SND1: variants seen among roughly 807,000 people sequenced by gnomAD.
SND1 encodes the protein staphylococcal nuclease domain-containing protein 1.
In SND1, 38 loss-of-function variants were observed where a neutral mutation model predicts 121.7. That is an observed-to-expected ratio of 0.31 (90% CI 0.24 to 0.41). SND1 has a LOEUF of 0.41. Among genes scored for constraint, SND1 ranks in the 10% least tolerant of loss-of-function variants. The pLI is 1.00. For synonymous variants in SND1, 401 were observed against 447.4 expected, an observed-to-expected ratio of 0.90 and a Z score of 1.31; for missense variants, 868 against 1,184.6, an observed-to-expected ratio of 0.73 and a Z score of 3.92.
chr7:127,726,973 AG>A (rs967715941), intron 10 of SND1, among the ~76,000 whole-genome samples: 7 of 152,144 alleles, frequency 4.6e-5, no homozygotes, highest in African/African-American at 1.4e-4. Flanking sequence ...TATTTTGGGA[AG>A]GAAGTGTGGA....
chr7:127,927,532 G>A (rs1800865770), intron 14 of SND1, among the ~76,000 whole-genome samples: 1 of 152,182 alleles, frequency 6.6e-6, no homozygotes, highest in South Asian at 2.1e-4. Flanking sequence ...ATGTGTATAT[G>A]TGTAGGAGAA....
At chr7:127,980,135 C>T (rs1802225466) in intron 15 of SND1, among the ~76,000 whole-genome samples, 1 of 11,926 alleles carries the variant, frequency 8.4e-5, no homozygotes, top group African/African-American at 3.5e-3. Context: ...TTTTTTGAGA[C>T]GGAGTCTCGC....
rs546748817 is a variant in SND1 at position 127,858,209 on chromosome 7, C to T, written c.1343+13785C>T. ...CTTCAGCCGCATGGCCAACTGTTCC[C>T]TCGTTTCCTGGTACATGCCAAGGTT... On this transcript the variant is annotated intron_variant, in intron 12 of 23. Coordinates refer to ENST00000354725, the MANE Select transcript of SND1 (RefSeq NM_014390.4). 2 of 786,466 alleles carry T rather than the reference C, an allele frequency of 2.5e-6. 1 individual carries two copies. The highest frequency in any genetic ancestry group is 4.9e-5 in the East Asian group (2 of 40,502). 48.7% of individuals were successfully genotyped at this position (786,466 alleles called of 1,614,324 possible). A position where few individuals can be genotyped will look rare whatever the true frequency, so the allele number is the denominator to read the frequency against.
intron 16 of SND1, among the ~76,000 whole-genome samples, chr7:128,069,869 C>T (rs1793377921): frequency 6.6e-6 from 1 of 152,210 alleles, no homozygotes; most frequent in Admixed American, 6.5e-5. Flanking sequence ...ATGCTGTACA[C>T]TGCCCCACAA....
intron 11 of SND1, among the ~76,000 whole-genome samples, chr7:127,820,707 C>T (rs1798533007): frequency 1.3e-5 from 2 of 151,894 alleles, no homozygotes; most frequent in South Asian, 4.2e-4. Context: ...TCCCCCTTTC[C>T]TTCTGCCTTC....
chr7:127,685,755 A>G (rs1451417679), intron 1 of SND1, among the ~76,000 whole-genome samples: 3 of 152,164 alleles, frequency 2.0e-5, no homozygotes, highest in Non-Finnish European at 4.4e-5. Flanking sequence ...CATGTAGGGC[A>G]TGGGTTTTCT....
chr7:127,780,341 ATCT>A (rs1797697179), intron 10 of SND1, among the ~76,000 whole-genome samples: 1 of 152,194 alleles, frequency 6.6e-6, no homozygotes, highest in Non-Finnish European at 1.5e-5. Context: ...GGTAAGTGGG[ATCT>A]TCTTTGGAGG....
At chr7:127,797,806 G>A (rs1444245913) in intron 10 of SND1, among the ~76,000 whole-genome samples, 2 of 152,106 alleles carry the variant, frequency 1.3e-5, no homozygotes, top group Non-Finnish European at 2.9e-5. Flanking sequence ...TGAAGGGACC[G>A]CATATGGTTT....
At chr7:127,854,033 C>T (rs930657370) in intron 12 of SND1, among the ~76,000 whole-genome samples, 2 of 152,160 alleles carry the variant, frequency 1.3e-5, no homozygotes, top group South Asian at 4.1e-4. Flanking sequence ...ACCCCATCTG[C>T]TTTCTGCCTT....
chr7:127,923,989 T>C (rs1053723483), intron 14 of SND1, among the ~76,000 whole-genome samples: 1 of 151,382 alleles, frequency 6.6e-6, no homozygotes, highest in Non-Finnish European at 1.5e-5. Context: ...CTCCACACTT[T>C]TTTTTTTTTC....
intron 1 of SND1, among the ~76,000 whole-genome samples, chr7:127,673,289 T>A (rs1387327364): frequency 6.6e-6 from 1 of 150,422 alleles, no homozygotes; most frequent in Non-Finnish European, 1.5e-5. Flanking sequence ...TGTGAGAAGC[T>A]ATTTTGAGAT....
intron 13 of SND1, among the ~76,000 whole-genome samples, chr7:127,900,540 T>C (rs1800208414): frequency 6.6e-6 from 1 of 152,226 alleles, no homozygotes; most frequent in Admixed American, 6.5e-5. Flanking sequence ...AAATGTTGTC[T>C]GCCTTTGCAA....
chr7:127,804,422 T>G (rs1584585468), intron 10 of SND1, among the ~76,000 whole-genome samples: 2 of 152,334 alleles, frequency 1.3e-5, no homozygotes, highest in African/African-American at 4.8e-5. Context: ...TTCATTCTTT[T>G]GAGGGTATTT....
rs557268748 is a variant in SND1 at position 127,848,453 on chromosome 7, GA to G, written c.1343+4030del. Among the ~76,000 whole-genome samples the G allele has an allele frequency of 2.5e-3, 384 of 152,322 alleles. 3 individuals carry two copies. The Middle Eastern group carries it at 0.031, about 12-fold the overall frequency. On this transcript the variant is annotated intron_variant, in intron 12 of 23. Transcript: ENST00000354725. The stretch of plus-strand genomic sequence containing the variant: ...GCATCTGCCAGTACCCTATGCTGAG[GA>G]CATAGAATGTGCAAGTCAGTTAAGG...
intron 10 of SND1, among the ~76,000 whole-genome samples, chr7:127,756,214 T>C (rs901386448): frequency 2.6e-5 from 4 of 152,196 alleles, no homozygotes; most frequent in Admixed American, 6.5e-5. Context: ...TGCTAGGGCC[T>C]GTGGGGAGAT....
chr7:128,037,581 A>G (rs558681664), intron 16 of SND1, among the ~76,000 whole-genome samples: 1 of 152,286 alleles, frequency 6.6e-6, no homozygotes, highest in East Asian at 1.9e-4. Context: ...CCCAAACTCA[A>G]CCACTGTGAT....
chr7:127,686,502 C>A, intron 1 of SND1, 111 bp from the exon 2 acceptor site: 1 of 1,164,062 alleles, frequency 8.6e-7, no homozygotes, highest in Non-Finnish European at 1.2e-6. Context: ...ACTTTGCATG[C>A]CTTTGAAGTG....
chr7:127,910,022 C>T (rs1800421046), intron 14 of SND1, among the ~76,000 whole-genome samples: 1 of 152,240 alleles, frequency 6.6e-6, no homozygotes, highest in African/African-American at 2.4e-5. Context: ...CCCTCTTAAA[C>T]TTTAATAGCA....
chr7:128,089,865 A>G (rs1487388973), intron 22 of SND1, 173 bp downstream of exon 22: 1 of 639,548 alleles, frequency 1.6e-6, no homozygotes, highest in Non-Finnish European at 2.7e-6. Flanking sequence ...AAAGCTAATT[A>G]CATCCCAAAT....
Sources: allele counts gnomAD v4.1 joint callset (sites outside exome capture counted in the v4.1 genomes callset), GRCh38; gene constraint gnomAD v4.1.1; transcripts MANE v1.5; gene names NCBI Gene and HGNC (gene_info 2026-07-23, HGNC 2026-07-21).